USP25: variants seen among roughly 807,000 people sequenced by gnomAD.
USP25 encodes the protein ubiquitin specific peptidase 25.
A neutral mutation model predicts 158.5 loss-of-function variants in USP25; 85 were observed. The ratio of observed to expected loss-of-function variants is 0.54; its 90% CI spans 0.45 to 0.64. The LOEUF (loss-of-function observed/expected upper bound fraction) is 0.64, where lower values mean the gene tolerates loss of function less well. Among genes scored for constraint, USP25 ranks in the 30% least tolerant of loss-of-function variants. USP25 has a pLI of 0.00. For synonymous variants in USP25, 464 were observed against 460.4 expected (o/e 1.01, Z -0.10); for missense variants, 1,242 against 1,327.3 (o/e 0.94, Z 1.00).
intron 5 of USP25, among the ~76,000 whole-genome samples, chr21:15,794,724 G>A (rs1192212112): frequency 5.3e-5 from 8 of 151,398 alleles, no homozygotes; most frequent in African/African-American, 1.7e-4. Context: ...AAAGTATGTG[G>A]TTACCTTACT....
intron 5 of USP25, among the ~76,000 whole-genome samples, chr21:15,793,168 G>A (rs1052773806): frequency 3.3e-5 from 5 of 151,588 alleles, no homozygotes; most frequent in African/African-American, 1.2e-4. Flanking sequence ...CACTATTATG[G>A]CAAATACATG....
At chr21:15,772,600 G>C (rs2034420391) in intron 3 of USP25, among the ~76,000 whole-genome samples, 1 of 152,174 alleles carries the variant, frequency 6.6e-6, no homozygotes, top group Non-Finnish European at 1.5e-5. Flanking sequence ...ACTTTTACCA[G>C]TTAGAAGTTG....
At chr21:15,856,706 C>T (rs547134888) in intron 20 of USP25, among the ~76,000 whole-genome samples, 15 of 152,220 alleles carry the variant, frequency 9.9e-5, no homozygotes, top group African/African-American at 1.9e-4. Context: ...CTCCTGACCT[C>T]GTGATCCGCC....
At chr21:15,791,807 G>GC in intron 5 of USP25, 143 bp downstream of exon 5, 1 of 805,736 alleles carries the variant, frequency 1.2e-6, no homozygotes, top group Non-Finnish European at 1.8e-6. Flanking sequence ...CTAGCTTGGG[G>GC]ATTGAAGTAT....
chr21:15,832,579 A>G (rs2072362113), intron 16 of USP25, among the ~76,000 whole-genome samples: 1 of 152,136 alleles, frequency 6.6e-6, no homozygotes, highest in East Asian at 1.9e-4. Context: ...ATGACAAACA[A>G]TTTTCATTTT....
At chr21:15,763,086 G>A (rs1037927825) in intron 2 of USP25, 118 bp downstream of exon 2, 17 of 893,876 alleles carry the variant, frequency 1.9e-5, no homozygotes, top group Non-Finnish European at 2.7e-5. Context: ...AGAGATACAG[G>A]AATGGACTTT....
intron 20 of USP25, among the ~76,000 whole-genome samples, chr21:15,863,093 T>A (rs2039503670): frequency 6.6e-6 from 1 of 152,026 alleles, no homozygotes; most frequent in Admixed American, 6.5e-5. Flanking sequence ...CATATAAGTA[T>A]AATATAAATG....
chr21:15,842,399 A>G lies in USP25; in HGVS notation c.2196A>G (p.Ala732=), dbSNP rs1337089605. 1 of 1,613,092 alleles carries G rather than the reference A, an allele frequency of 6.2e-7. No individual in the cohort carries two copies. Among genetic ancestry groups the G allele is most frequent in the Non-Finnish European group, 8.5e-7 (1 of 1,179,540 alleles). ...LRESETSVTT[A]QAAGDPEYLE... Reference sequence around the variant, plus strand: ...ATAATTGATTCTTTTCTCATGAAGCACAAGCAGCAGGAGACCCAGAATATC... The same window carrying G: ...ATAATTGATTCTTTTCTCATGAAGCGCAAGCAGCAGGAGACCCAGAATATC... Residue 732 remains alanine (A), a splice_region_variant and synonymous_variant, in exon 18 of 26, where the codon GCA becomes GCG. Coordinates refer to ENST00000400183, the MANE Select transcript of USP25 (RefSeq NM_001283041.3).
intron 17 of USP25, among the ~76,000 whole-genome samples, chr21:15,840,259 G>A (rs2038267087): frequency 6.6e-6 from 1 of 152,128 alleles, no homozygotes; most frequent in Non-Finnish European, 1.5e-5. Flanking sequence ...TCAAGTATGT[G>A]TATTGGGTCC....
rs1241534145 is a variant in USP25, at chr21:15,777,797, TTGGTACTGAC to T, written c.269-102_269-93del. The T allele has an allele frequency of 3.1e-6, 3 of 971,672 alleles. No homozygotes were observed. In the African/African-American group the frequency reaches 5.1e-5, roughly 16 times the overall value. The allele number at this position is 971,672 out of a possible 1,614,324, so 60.2% of individuals were successfully genotyped here. A position where few individuals can be genotyped will look rare whatever the true frequency, so the allele number is the denominator to read the frequency against. On this transcript the variant is annotated intron_variant, in intron 3 of 25. Transcript: ENST00000400183. ...TAGGCTTTTAGAAATACAAAATTAG[TTGGTACTGAC>T]TGGTTTAAAGAGTATATTGGATATA...
rs1314635658 is a variant in USP25, at chr21:15,790,515, AAATG to A, written c.393-981_393-978del. On this transcript the variant is annotated intron_variant, in intron 4 of 25. Transcript: ENST00000400183. ...AAATCTTTAGGATAAAAATGGTGTG[AAATG>A]AATGAGATTTTCTTGATAAACCAAA... Among the ~76,000 whole-genome samples, 3 of 151,978 alleles carry A rather than the reference AAATG, an allele frequency of 2.0e-5. No individual in the cohort carries two copies. In the East Asian group the frequency reaches 5.8e-4, roughly 29 times the overall value.
intron 1 of USP25, among the ~76,000 whole-genome samples, chr21:15,750,635 C>T (rs934133471): frequency 2.6e-5 from 4 of 151,174 alleles, no homozygotes; most frequent in Admixed American, 2.0e-4. Context: ...GAGATAGAGT[C>T]TCGCTCTGTC....
intron 9 of USP25, among the ~76,000 whole-genome samples, chr21:15,813,693 C>T (rs1356592309): frequency 2.6e-5 from 4 of 152,106 alleles, no homozygotes; most frequent in Non-Finnish European, 4.4e-5. Context: ...ACGTTATCCC[C>T]TCCCATACTC....
intron 1 of USP25, among the ~76,000 whole-genome samples, chr21:15,740,769 A>G (rs1472289513): frequency 6.7e-6 from 1 of 148,622 alleles, no homozygotes; most frequent in Admixed American, 7.0e-5. Context: ...CAACTTAAAT[A>G]TATTAAGATT....
rs35849786 is a variant in USP25 at position 15,808,546 on chromosome 21, TTGTGTG to T, written c.781-241_781-236del. Among the ~76,000 whole-genome samples the T allele has an allele frequency of 1.1e-3, 165 of 148,476 alleles. 1 individual carries two copies. Among genetic ancestry groups the T allele is most frequent in the Middle Eastern group, 3.4e-3 (1 of 290 alleles). Reference sequence around the variant, plus strand: ...TCTCATTTGTAAGTTTGGTTTTTGATTGTGTGTGTGTGTGTGTGTGTGTGTGTATTT... The same window carrying T: ...TCTCATTTGTAAGTTTGGTTTTTGATTGTGTGTGTGTGTGTGTGTGTATTT... On this transcript the variant is annotated intron_variant, in intron 7 of 25. Transcript: ENST00000400183.
rs182196034 is a variant in USP25 at position 15,808,781 on chromosome 21, A to G, written c.781-28A>G. 12 of 1,562,832 alleles carry G rather than the reference A, an allele frequency of 7.7e-6. 1 individual carries two copies. The East Asian group carries it at 2.3e-4, about 30-fold the overall frequency. ...AGTATTTTTTTTTTAGTAGGCTCAAATATCAACAGGCTTTTTTCTTTTCAC... is the reference window on the plus strand; with the variant it reads ...AGTATTTTTTTTTTAGTAGGCTCAAGTATCAACAGGCTTTTTTCTTTTCAC... On this transcript the variant is annotated intron_variant, in intron 7 of 25. Coordinates refer to ENST00000400183, the MANE Select transcript of USP25 (RefSeq NM_001283041.3).
At chr21:15,774,137 C>T (rs1316271585) in intron 3 of USP25, among the ~76,000 whole-genome samples, 4 of 152,092 alleles carry the variant, frequency 2.6e-5, no homozygotes, top group South Asian at 4.1e-4. Flanking sequence ...ATGTGGAATT[C>T]GAAATCACAT....
chr21:15,734,369 A>G (rs1785764094), intron 1 of USP25, among the ~76,000 whole-genome samples: 1 of 152,258 alleles, frequency 6.6e-6, no homozygotes, highest in Admixed American at 6.5e-5. Context: ...AACATTACTT[A>G]AATCACTTTA....
intron 1 of USP25, among the ~76,000 whole-genome samples, chr21:15,744,586 T>TTTGTTGTTGTTG (rs10635610): frequency 0.038 from 5,780 of 150,836 alleles, 165 homozygotes; most frequent in Middle Eastern, 0.14. Context: ...GGTCTGCAGT[T>TTTGTTGTTGTTG]TTGTTGTTGT....
Sources: allele counts gnomAD v4.1 joint callset (sites outside exome capture counted in the v4.1 genomes callset), GRCh38; gene constraint gnomAD v4.1.1; transcripts MANE v1.5; gene names NCBI Gene and HGNC (gene_info 2026-07-23, HGNC 2026-07-21).